Variants in ANKS1B observed in about 807,000 individuals in gnomAD.
The protein encoded by ANKS1B is ankyrin repeat and sterile alpha motif domain-containing protein 1B.
Under a neutral mutation model 148.3 loss-of-function variants are expected in ANKS1B, and 36 were observed. The observed-to-expected ratio is 0.24, with a 90% CI of 0.19 to 0.32. The LOEUF (loss-of-function observed/expected upper bound fraction) is 0.32. Ranked by LOEUF, ANKS1B falls within the 10% of genes least tolerant of loss-of-function variation. The pLI is 1.00. For synonymous variants in ANKS1B, 542 were observed against 560.8 expected, an observed-to-expected ratio of 0.97 and a Z score of 0.47; for missense variants, 1,157 against 1,542.6, an observed-to-expected ratio of 0.75 and a Z score of 4.19.
intron 25 of ANKS1B, among the ~76,000 whole-genome samples, chr12:98,755,854 C>T (rs1447614715): frequency 2.0e-5 from 3 of 152,178 alleles, no homozygotes; most frequent in African/African-American, 7.2e-5. Context: ...CATCAACTCT[C>T]CCCTCCCGTG....
At chr12:98,882,243 G>T (rs1253004695) in intron 17 of ANKS1B, among the ~76,000 whole-genome samples, 1 of 152,124 alleles carries the variant, frequency 6.6e-6, no homozygotes, top group Non-Finnish European at 1.5e-5. Flanking sequence ...TACACCAAGT[G>T]CTACTTTCAG....
intron 1 of ANKS1B, among the ~76,000 whole-genome samples, chr12:99,893,828 T>C (rs2093249128): frequency 6.6e-6 from 1 of 152,190 alleles, no homozygotes; most frequent in Admixed American, 6.5e-5. Flanking sequence ...TTTGTCCTTT[T>C]TTATGGCTGT....
chr12:99,448,520 T>C (rs184914040), intron 10 of ANKS1B, among the ~76,000 whole-genome samples: 4 of 152,078 alleles, frequency 2.6e-5, no homozygotes, highest in African/African-American at 7.2e-5. Context: ...ATGGTGACTA[T>C]AGTTAATAAC....
chr12:99,894,508 CAAAAAAAAAAA>C (rs777618998), intron 1 of ANKS1B, among the ~76,000 whole-genome samples: 22 of 64,268 alleles, frequency 3.4e-4, no homozygotes, highest in Non-Finnish European at 6.3e-4. Context: ...GACCCTGTCT[CAAAAAAAAAAA>C]AAAAAAAAAA....
intron 12 of ANKS1B, among the ~76,000 whole-genome samples, chr12:99,365,711 G>A (rs532907868): frequency 3.3e-5 from 5 of 152,190 alleles, no homozygotes; most frequent in African/African-American, 9.6e-5. Flanking sequence ...GGATCAGAGT[G>A]CTGAATGCTG....
At chr12:99,021,750 C>T (rs2099945940) in intron 17 of ANKS1B, among the ~76,000 whole-genome samples, 2 of 152,156 alleles carry the variant, frequency 1.3e-5, no homozygotes, top group African/African-American at 2.4e-5. Flanking sequence ...CATGTGGATA[C>T]ATCAAAATAA....
intron 17 of ANKS1B, among the ~76,000 whole-genome samples, chr12:99,004,741 T>C (rs1388623721): frequency 1.3e-5 from 2 of 152,006 alleles, no homozygotes; most frequent in Non-Finnish European, 2.9e-5. Flanking sequence ...ATTGGCCATG[T>C]GTGGTCCAGG....
rs1417414464 is a variant in ANKS1B at position 99,405,641 on chromosome 12, A to G, written c.1576-5830T>C. Among the ~76,000 whole-genome samples, 4 of 145,174 alleles carry G rather than the reference A, an allele frequency of 2.8e-5. 1 individual carries two copies. Among genetic ancestry groups the G allele is most frequent in the Non-Finnish European group, 6.1e-5 (4 of 65,652 alleles). On this transcript the variant is annotated intron_variant, in intron 11 of 26. Coordinates refer to ENST00000683438, the MANE Select transcript of ANKS1B (RefSeq NM_001352186.2). ...AAGGAGAGAAGGAGGAGATCACACA[A>G]AAAACTAGAAAACAAATAACACAAT...
At chr12:99,248,138 A>G (rs1555356295) in intron 12 of ANKS1B, among the ~76,000 whole-genome samples, 2 of 152,178 alleles carry the variant, frequency 1.3e-5, no homozygotes, top group Non-Finnish European at 1.5e-5. Flanking sequence ...CGAGATGGCC[A>G]AAATATCGAA....
At chr12:99,005,417 A>G (rs2099935573) in intron 17 of ANKS1B, among the ~76,000 whole-genome samples, 1 of 152,200 alleles carries the variant, frequency 6.6e-6, no homozygotes, top group Non-Finnish European at 1.5e-5. Context: ...AAAAACATGG[A>G]CAGAAAGCAA....
intron 8 of ANKS1B, among the ~76,000 whole-genome samples, chr12:99,678,009 A>G (rs1395479047): frequency 6.6e-6 from 1 of 152,160 alleles, no homozygotes; most frequent in Non-Finnish European, 1.5e-5. Flanking sequence ...GATACCCACT[A>G]AAACAACTCT....
chr12:99,939,744 C>T (rs1183850591), intron 1 of ANKS1B, among the ~76,000 whole-genome samples: 2 of 152,076 alleles, frequency 1.3e-5, no homozygotes, highest in African/African-American at 4.8e-5. Flanking sequence ...TTAATGCTCA[C>T]CTTTTAAAGA....
chr12:99,552,201 A>G (rs1024998645), intron 9 of ANKS1B, among the ~76,000 whole-genome samples: 2 of 152,182 alleles, frequency 1.3e-5, no homozygotes, highest in African/African-American at 4.8e-5. Context: ...TACACTGATC[A>G]CAATTATAAT....
chr12:99,018,452 TA>T (rs1303039166), intron 17 of ANKS1B, among the ~76,000 whole-genome samples: 1 of 152,216 alleles, frequency 6.6e-6, no homozygotes, highest in African/African-American at 2.4e-5. Flanking sequence ...GCTGACTCCC[TA>T]AAGTCTATGT....
chr12:99,935,356 A>AC (rs530904233), intron 1 of ANKS1B, among the ~76,000 whole-genome samples: 1,489 of 98,720 alleles, frequency 0.015, 28 homozygotes, highest in African/African-American at 0.053. Context: ...TAGATGCCTG[A>AC]CAAAAAAAAA....
At chr12:99,001,194 G>A (rs989986819) in intron 17 of ANKS1B, among the ~76,000 whole-genome samples, 4 of 151,952 alleles carry the variant, frequency 2.6e-5, no homozygotes, top group East Asian at 1.9e-4. Context: ...GAGTGGTGGC[G>A]CCATCTCGGC....
At chr12:99,937,631 C>A (rs2094812273) in intron 1 of ANKS1B, among the ~76,000 whole-genome samples, 1 of 152,112 alleles carries the variant, frequency 6.6e-6, no homozygotes, top group Non-Finnish European at 1.5e-5. Context: ...GCATATGGTT[C>A]CAAATCTTCA....
At chr12:99,007,298 T>C (rs886736948) in intron 17 of ANKS1B, among the ~76,000 whole-genome samples, 4 of 152,210 alleles carry the variant, frequency 2.6e-5, no homozygotes, top group Non-Finnish European at 5.9e-5. Context: ...TTGGAAAATA[T>C]GTAGGCAGAA....
chr12:98,983,781 G>A (rs1179602809), intron 17 of ANKS1B, among the ~76,000 whole-genome samples: 1 of 152,150 alleles, frequency 6.6e-6, no homozygotes, highest in African/African-American at 2.4e-5. Flanking sequence ...GAAATCCAGT[G>A]GAGCAAAACT....
Sources: gnomAD v4.1 joint callset for allele counts (sites outside exome capture counted in the v4.1 genomes callset) on GRCh38, gnomAD v4.1.1 for gene constraint, MANE v1.5 for transcripts, NCBI Gene and HGNC (gene_info 2026-07-23, HGNC 2026-07-21) for gene names.